The following GLI3 variants were observed in gnomAD, a reference collection of about 807,000 sequenced individuals.
The protein encoded by GLI3 is transcription activator GLI3.
In GLI3, 20 loss-of-function variants were observed where a neutral mutation model predicts 100.8. That is an observed-to-expected ratio of 0.20 (90% confidence interval 0.14 to 0.29). The LOEUF (loss-of-function observed/expected upper bound fraction) is 0.29, where lower values mean the gene tolerates loss of function less well. GLI3 is among the 10% of genes least tolerant of loss of function. GLI3 has a pLI of 1.00. For synonymous variants in GLI3, 938 were observed against 860.5 expected (o/e 1.09, Z -1.58); for missense variants, 2,040 against 2,128.5 (o/e 0.96, Z 0.82).
chr7:42,249,823 G>A (rs935291888), intron 1 of GLI3, among the ~76,000 whole-genome samples: 10 of 151,946 alleles, frequency 6.6e-5, no homozygotes, highest in East Asian at 1.9e-4. Flanking sequence ...GGCCAGGCAC[G>A]GTGGCTCACA....
intron 4 of GLI3, among the ~76,000 whole-genome samples, chr7:42,050,616 T>C (rs1469806413): frequency 6.6e-6 from 1 of 152,222 alleles, no homozygotes; most frequent in African/African-American, 2.4e-5. Flanking sequence ...GACTTGTTTA[T>C]AGATTTCCAC....
At chr7:42,153,391 T>C (rs1362616108) in intron 2 of GLI3, among the ~76,000 whole-genome samples, 1 of 152,180 alleles carries the variant, frequency 6.6e-6, no homozygotes, top group Non-Finnish European at 1.5e-5. Flanking sequence ...ATAAAATGCC[T>C]TTTATGTTCA....
At chr7:41,969,242 G>A (rs1044406107) in intron 13 of GLI3, among the ~76,000 whole-genome samples, 17 of 152,250 alleles carry the variant, frequency 1.1e-4, no homozygotes, top group East Asian at 3.9e-4. Flanking sequence ...CTCCTAGGCC[G>A]GCTACTTCCA....
chr7:42,262,405 A>G (rs959670930), intron 1 of GLI3, among the ~76,000 whole-genome samples: 2 of 151,996 alleles, frequency 1.3e-5, no homozygotes, highest in Non-Finnish European at 2.9e-5. Flanking sequence ...GAACACAGGT[A>G]CATGCCACCA....
rs568929731 is a variant in GLI3, at chr7:42,076,619, T to A, written c.473+133A>T. The A allele has an allele frequency of 2.4e-5, 17 of 707,166 alleles. No individual in the cohort carries two copies. The African/African-American group carries it at 2.8e-4, about 12-fold the overall frequency. 43.8% of individuals were successfully genotyped at this position (707,166 alleles called of 1,614,324 possible). ...AACCCACGAACAGATAGGCTTGCTA[T>A]ATTTCAAAAGTAAATCTTACACTTC... On this transcript the variant is annotated intron_variant, in intron 4 of 14. Coordinates refer to ENST00000395925, the MANE Select transcript of GLI3 (RefSeq NM_000168.6).
At chr7:42,056,440 T>C (rs886280393) in intron 4 of GLI3, among the ~76,000 whole-genome samples, 2 of 152,156 alleles carry the variant, frequency 1.3e-5, no homozygotes, top group South Asian at 4.1e-4. Flanking sequence ...ATGAAAAATA[T>C]GGACAATGAA....
At chr7:42,048,357 T>C (rs190348097) in intron 5 of GLI3, 134 bp downstream of exon 5, 15 of 738,132 alleles carry the variant, frequency 2.0e-5, no homozygotes, top group South Asian at 1.4e-4. Context: ...CAATCATGCA[T>C]GTAAGGCACA....
intron 1 of GLI3, among the ~76,000 whole-genome samples, chr7:42,253,727 A>T (rs1789056696): frequency 6.6e-6 from 1 of 152,082 alleles, no homozygotes; most frequent in Non-Finnish European, 1.5e-5. Context: ...ACATTAGTTG[A>T]CTTTACACAT....
At position 41,964,101 on chromosome 7, in the gene GLI3, T is replaced by G. The variant is rs1583726768; in HGVS notation, c.*229A>C. 3 of 396,658 alleles carry G rather than the reference T, an allele frequency of 7.6e-6. No homozygotes were observed. Among genetic ancestry groups the G allele is most frequent in the South Asian group, 4.4e-5 (1 of 22,820 alleles). 24.6% of individuals were successfully genotyped at this position (396,658 alleles called of 1,614,324 possible). A position where few individuals can be genotyped will look rare whatever the true frequency, so the allele number is the denominator to read the frequency against. ...TTTTTTAAAAAGAGGGTGGTTTGAGTGTAACAATACTGATTCAAAACTGAA... is the reference window on the plus strand; with the variant it reads ...TTTTTTAAAAAGAGGGTGGTTTGAGGGTAACAATACTGATTCAAAACTGAA... On this transcript the variant is annotated 3_prime_UTR_variant, in exon 15 of 15. Coordinates refer to ENST00000395925, the MANE Select transcript of GLI3 (RefSeq NM_000168.6).
chr7:42,124,252 T>C (rs572850157), intron 3 of GLI3, among the ~76,000 whole-genome samples: 1 of 152,228 alleles, frequency 6.6e-6, no homozygotes, highest in Non-Finnish European at 1.5e-5. Flanking sequence ...AGGTGGCCTA[T>C]ATGACTATGT....
intron 10 of GLI3, among the ~76,000 whole-genome samples, chr7:41,983,360 TGTTTGTATCATATTCCTA>T: frequency 6.6e-6 from 1 of 152,314 alleles, no homozygotes; most frequent in African/African-American, 2.4e-5. Context: ...CAAACTTCAC[TGTTTGTATCATATTCCTA>T]GGACTAAGAA....
At chr7:42,254,000 A>C (rs981294976) in intron 1 of GLI3, among the ~76,000 whole-genome samples, 3 of 152,194 alleles carry the variant, frequency 2.0e-5, no homozygotes, top group African/African-American at 7.2e-5. Flanking sequence ...CAGGTGGATC[A>C]CATGAGGTCG....
chr7:42,217,213 G>C (rs982711968), intron 2 of GLI3, among the ~76,000 whole-genome samples: 3 of 152,132 alleles, frequency 2.0e-5, no homozygotes, highest in Non-Finnish European at 2.9e-5. Context: ...AATCTAACAG[G>C]ACCTCAAAAC....
At chr7:42,172,855 T>A (rs1455300170) in intron 2 of GLI3, among the ~76,000 whole-genome samples, 1 of 152,218 alleles carries the variant, frequency 6.6e-6, no homozygotes, top group Non-Finnish European at 1.5e-5. Context: ...CACAGCAACC[T>A]TGCAAATTAT....
intron 3 of GLI3, among the ~76,000 whole-genome samples, chr7:42,124,905 G>A (rs996367445): frequency 7.2e-5 from 11 of 152,182 alleles, no homozygotes; most frequent in Middle Eastern, 3.4e-3. Flanking sequence ...TGATTTGCTC[G>A]CTCAAAGAAT....
intron 1 of GLI3, among the ~76,000 whole-genome samples, chr7:42,253,647 T>C (rs370284452): frequency 6.6e-6 from 1 of 152,350 alleles, no homozygotes; most frequent in African/African-American, 2.4e-5. Flanking sequence ...CCACTCTGTG[T>C]CTTTTGGGTA....
intron 6 of GLI3, among the ~76,000 whole-genome samples, chr7:42,041,033 G>A (rs1395800888): frequency 6.6e-6 from 1 of 152,120 alleles, no homozygotes; most frequent in East Asian, 1.9e-4. Context: ...CATATAAGAG[G>A]ATAAATCCCA....
rs550259416 is a variant in GLI3 at position 42,134,134 on chromosome 7, A to G, written c.367+14092T>C. On this transcript the variant is annotated intron_variant, in intron 3 of 14. Transcript: ENST00000395925. ...TATTGGCATACATTTCCAAAAAGGA[A>G]CTCTAAGGTGGGTCTCAAAAGTCTT... is the stretch of plus-strand genomic sequence containing the variant. Among the ~76,000 whole-genome samples, 142 of 152,184 alleles carry G rather than the reference A, an allele frequency of 9.3e-4. 1 individual carries two copies. The highest frequency in any genetic ancestry group is 9.7e-4 in the Non-Finnish European group (66 of 68,008).
At chr7:41,993,396 C>T (rs776276131) in intron 10 of GLI3, among the ~76,000 whole-genome samples, 3 of 152,140 alleles carry the variant, frequency 2.0e-5, no homozygotes, top group East Asian at 1.9e-4. Flanking sequence ...CTCATCGCCC[C>T]GCTCGATCCT....
Sources: allele counts gnomAD v4.1 joint callset (sites outside exome capture counted in the v4.1 genomes callset), GRCh38; gene constraint gnomAD v4.1.1; transcripts MANE v1.5; gene names NCBI Gene and HGNC (gene_info 2026-07-23, HGNC 2026-07-21).